Variants in ALDH7A1 observed in about 807,000 individuals in gnomAD.
ALDH7A1 encodes the protein aldehyde dehydrogenase 7 family member A1, also known as alpha-aminoadipic semialdehyde dehydrogenase.
ALDH7A1 carries 63 observed loss-of-function variants against 79.9 expected under a neutral mutation model. The ratio of observed to expected loss-of-function variants is 0.79; its 90% CI spans 0.64 to 0.97. The LOEUF is 0.97. Among genes scored for constraint, ALDH7A1 ranks in the 50% least tolerant of loss-of-function variants. ALDH7A1 has a pLI of 0.00. For synonymous variants in ALDH7A1, 240 were observed against 231.2 expected (o/e 1.04, Z -0.34); for missense variants, 627 against 665.2 (o/e 0.94, Z 0.63).
intron 9 of ALDH7A1, chr5:126,561,669 C>G (rs1002275153): frequency 6.6e-6 from 1 of 152,284 alleles, no homozygotes; most frequent in Non-Finnish European, 1.5e-5. Context: ...ACAGGAAAGT[C>G]TACAGCCAAA....
chr5:126,593,811 C>A, intron 1 of ALDH7A1: 1 of 308,126 alleles, frequency 3.2e-6, no homozygotes. Context: ...GTGTCCACAC[C>A]AACTGGAGAG....
rs183872336 is a variant in ALDH7A1 at position 126,594,618 on chromosome 5, T to A, written c.192+389A>T. On this transcript the variant is annotated intron_variant, in intron 1 of 17. Transcript: ENST00000409134. ...CGCCACCACGCCCGGCTATTTTGTA[T>A]TTTTTTTAGTAGAGACAAGGTTTCT... 2.9e-3 allele frequency among the ~76,000 whole-genome samples: 439 copies of A among 151,292 alleles called. 2 individuals are homozygous for A. The highest frequency in any genetic ancestry group is 5.9e-3 in the Admixed American group (90 of 15,188).
intron 5 of ALDH7A1, among the ~76,000 whole-genome samples, chr5:126,579,153 G>A (rs970301385): frequency 1.1e-4 from 16 of 152,176 alleles, no homozygotes; most frequent in Admixed American, 3.3e-4. Flanking sequence ...ATCTCTTCCC[G>A]AGGTTCTCTT....
At chr5:126,551,791 A>G (rs150424079) in intron 14 of ALDH7A1, among the ~76,000 whole-genome samples, 4 of 152,282 alleles carry the variant, frequency 2.6e-5, no homozygotes, top group Non-Finnish European at 5.9e-5. Context: ...CACACTTCAT[A>G]AACTCCAACA....
In ALDH7A1 at chr5:126,582,293, G is replaced by A. The variant is rs571766964; in HGVS notation, c.517+558C>T. The A allele has an allele frequency of 2.3e-5, 9 of 392,436 alleles. No homozygotes were observed. The South Asian group carries it at 5.7e-4, about 25-fold the overall frequency. The allele number at this position is 392,436 out of a possible 1,614,324, so 24.3% of individuals were successfully genotyped here. A position where few individuals can be genotyped will look rare whatever the true frequency, so the allele number is the denominator to read the frequency against. On this transcript the variant is annotated intron_variant, in intron 5 of 17. Transcript: ENST00000409134. ...TCTTATTTTCTGATATGAATCTATC[G>A]TTTCTTCAAAAAAAATTAACATTAG...
At chr5:126,575,915 T>C (rs1032352499) in intron 6 of ALDH7A1, among the ~76,000 whole-genome samples, 1 of 152,206 alleles carries the variant, frequency 6.6e-6, no homozygotes, top group Non-Finnish European at 1.5e-5. Flanking sequence ...AGCTCGGGGC[T>C]AGTTCCCACC....
intron 9 of ALDH7A1, among the ~76,000 whole-genome samples, chr5:126,565,818 G>C (rs900828677): frequency 6.6e-6 from 1 of 152,178 alleles, no homozygotes; most frequent in African/African-American, 2.4e-5. Context: ...ATAGCTACTT[G>C]TGTCAGTACC....
At chr5:126,561,940 A>AG (rs1750417120) in intron 9 of ALDH7A1, 1 of 152,230 alleles carries the variant, frequency 6.6e-6, no homozygotes, top group African/African-American at 2.4e-5. Context: ...ACTGCACTCC[A>AG]GCCTGGCCAA....
chr5:126,582,082 G>C, intron 5 of ALDH7A1: 1 of 398,532 alleles, frequency 2.5e-6, no homozygotes, highest in Non-Finnish European at 4.4e-6. Context: ...CCAGCTACTC[G>C]GGAGGCTGAA....
At chr5:126,561,921 G>T (rs1193672998) in intron 9 of ALDH7A1, 1 of 152,190 alleles carries the variant, frequency 6.6e-6, no homozygotes, top group Non-Finnish European at 1.5e-5. Flanking sequence ...AGTGAGCCAT[G>T]ATCACACCAC....
At chr5:126,555,867 A>T in intron 12 of ALDH7A1, 64 bp downstream of exon 12, 3 of 1,338,580 alleles carry the variant, frequency 2.2e-6, no homozygotes, top group Non-Finnish European at 1.1e-6. Context: ...AACTCAGATC[A>T]GAAACACTTG....
In ALDH7A1 at chr5:126,593,361, C is replaced by T. The variant is rs781361567; in HGVS notation, c.236G>A (p.Arg79Lys). 1.9e-6 allele frequency: 3 copies of T among 1,611,758 alleles called. No homozygotes were observed. The African/African-American group carries it at 4.1e-5, about 22-fold the overall frequency. Residue 79 changes from arginine to lysine, a missense_variant, in exon 2 of 18, where the codon AGA becomes AAA. By Grantham distance (26) the Arg-to-Lys change is conservative (BLOSUM62 2). Transcript: ENST00000409134. ...YCPANNEPIA[R>K]VRQASVADYE... is the part of the protein sequence containing the mutation. ...CACACACACTCTTACCTGTCGGACT[C>T]TTGCTATTGGCTCGTTGTTAGCAGG...
rs143745104 is a variant in ALDH7A1 at position 126,563,035 on chromosome 5, C to T, written c.872-1911G>A. Among the ~76,000 whole-genome samples, 27 of 152,180 alleles carry T rather than the reference C, an allele frequency of 1.8e-4. No individual in the cohort carries two copies. In the East Asian group the frequency reaches 3.7e-3, roughly 21 times the overall value. Reference sequence around the variant, plus strand: ...GGTATGGAGTTTCAGTTTTACAAGACGAAAAAGTTCTAAAGATAGGCTGTA... The same window carrying T: ...GGTATGGAGTTTCAGTTTTACAAGATGAAAAAGTTCTAAAGATAGGCTGTA... On this transcript the variant is annotated intron_variant, in intron 9 of 17. Coordinates refer to ENST00000409134, the MANE Select transcript of ALDH7A1 (RefSeq NM_001182.5).
chr5:126,564,573 A>G (rs1386675768), intron 9 of ALDH7A1: 1 of 1,248,176 alleles, frequency 8.0e-7, no homozygotes, highest in Non-Finnish European at 1.0e-6. Context: ...ACAGCAGAGT[A>G]TCTTCTCATT....
intron 7 of ALDH7A1, among the ~76,000 whole-genome samples, chr5:126,574,664 C>T (rs984744078): frequency 2.0e-5 from 3 of 151,878 alleles, no homozygotes; most frequent in Non-Finnish European, 4.4e-5. Flanking sequence ...CACTGGACTC[C>T]AGCCTGAGTG....
chr5:126,575,542 G>C, intron 6 of ALDH7A1, 78 bp from the exon 7 acceptor site: 3 of 1,318,560 alleles, frequency 2.3e-6, no homozygotes, highest in Non-Finnish European at 3.2e-6. Context: ...TTATCAAACA[G>C]AAGCAAAAGT....
Position 126,582,719 on chromosome 5 carries a change from T to C in ALDH7A1, c.517+132A>G, listed in dbSNP as rs954340493. ...TTTTAATTTGCATTTCTTTGAAAGA[T>C]TGAGGATATTTTCACATATTTATGC... On this transcript the variant is annotated intron_variant, in intron 5 of 17. Transcript: ENST00000409134. 6.0e-6 allele frequency: 6 copies of C among 1,005,318 alleles called. No individual in the cohort carries two copies. The Admixed American group carries it at 6.8e-5, about 11-fold the overall frequency. The allele number at this position is 1,005,318 out of a possible 1,614,324, so 62.3% of individuals were successfully genotyped here.
Position 126,559,276 on chromosome 5 carries a change from T to C in ALDH7A1, c.972A>G (p.Gly324=), listed in dbSNP as rs1427352143. 14 of 1,613,900 alleles carry C rather than the reference T, an allele frequency of 8.7e-6. No individual in the cohort carries two copies. The highest frequency in any genetic ancestry group is 1.2e-5 in the Non-Finnish European group (14 of 1,179,932). Residue 324 remains glycine, a synonymous_variant, in exon 11 of 18, where the codon GGA becomes GGG. Coordinates refer to ENST00000409134, the MANE Select transcript of ALDH7A1 (RefSeq NM_001182.5). The part of the protein sequence containing the change: ...VVPSALFAAV[G]TAGQRCTTAR... ...CAGTGGTACACCTCTGGCCAGCTGT[T>C]CCCACAGCAGCGAAGAGAGCTGATG...
intron 16 of ALDH7A1, among the ~76,000 whole-genome samples, chr5:126,548,361 G>T (rs1437835271): frequency 6.6e-6 from 1 of 150,526 alleles, no homozygotes; most frequent in African/African-American, 2.4e-5. Context: ...TGTTGCCCAG[G>T]TTCATCTCAA....
Sources: gnomAD v4.1 joint callset for allele counts (sites outside exome capture counted in the v4.1 genomes callset) on GRCh38, gnomAD v4.1.1 for gene constraint, MANE v1.5 for transcripts, NCBI Gene and HGNC (gene_info 2026-07-23, HGNC 2026-07-21) for gene names.